SLC22A3: variants seen among roughly 807,000 people sequenced by gnomAD.
SLC22A3 encodes EMT organic cation transporter 3.
In SLC22A3, 51 loss-of-function variants were observed where a neutral mutation model predicts 59.1. The ratio of observed to expected loss-of-function variants is 0.86; its 90% CI spans 0.69 to 1.09. SLC22A3 has a LOEUF of 1.09. Among genes scored for constraint, SLC22A3 ranks in the 50% least tolerant of loss-of-function variants. The probability of loss-of-function intolerance (pLI) is 0.00; values close to 1 mark genes in which losing one functional copy is unlikely to be tolerated. For synonymous variants in SLC22A3, 325 were observed against 292.0 expected (o/e 1.11, Z -1.15); for missense variants, 711 against 726.3 (o/e 0.98, Z 0.24).
At chr6:160,447,376 A>G (rs1788784441) in intron 9 of SLC22A3, among the ~76,000 whole-genome samples, 1 of 152,150 alleles carries the variant, frequency 6.6e-6, no homozygotes, top group Non-Finnish European at 1.5e-5. Flanking sequence ...GAGCGGGCGC[A>G]GAGGGGACTC....
At chr6:160,393,052 T>C (rs1786325685) in intron 1 of SLC22A3, among the ~76,000 whole-genome samples, 1 of 151,984 alleles carries the variant, frequency 6.6e-6, no homozygotes. Context: ...GACTTCCCTT[T>C]CTCCTAGAAC....
intron 1 of SLC22A3, among the ~76,000 whole-genome samples, chr6:160,370,292 A>T (rs891827970): frequency 6.6e-6 from 1 of 152,208 alleles, no homozygotes; most frequent in Non-Finnish European, 1.5e-5. Context: ...TTGAAAGAGC[A>T]TGTGTGGGGG....
At position 160,436,866 on chromosome 6, in the gene SLC22A3, T is replaced by C. The variant is rs933426397; in HGVS notation, c.1062T>C (p.Leu354=). 2.9e-5 allele frequency: 46 copies of C among 1,613,772 alleles called. No homozygotes were observed. Among genetic ancestry groups the C allele is most frequent in the Non-Finnish European group, 3.9e-5 (46 of 1,179,682 alleles). Residue 354 remains leucine, a synonymous_variant, in exon 6 of 11, where the codon CTT becomes CTC. Transcript: ENST00000275300. ...TPQMRKCTLI[L]MFAWFTSAVV... is the part of the protein sequence containing the mutation. ...AAATGAGGAAATGCACACTTATTCT[T>C]ATGTTTGCTTGGTAAGTTTGACTTG...
intron 4 of SLC22A3, 113 bp downstream of exon 4, chr6:160,409,034 A>G: frequency 9.2e-6 from 5 of 543,954 alleles, no homozygotes; most frequent in Non-Finnish European, 1.1e-5. Context: ...TTTTTTTTTT[A>G]TTATACTCTA....
intron 5 of SLC22A3, among the ~76,000 whole-genome samples, chr6:160,414,435 A>G (rs1787386258): frequency 6.6e-6 from 1 of 152,196 alleles, no homozygotes. Context: ...ACATCCTCCC[A>G]AAGTGATTAA....
intron 5 of SLC22A3, among the ~76,000 whole-genome samples, chr6:160,418,814 A>G (rs1269397739): frequency 6.6e-6 from 1 of 152,226 alleles, no homozygotes; most frequent in African/African-American, 2.4e-5. Flanking sequence ...AGTCTCTGAT[A>G]CTACAGAACT....
chr6:160,414,723 G>A (rs1486102460), intron 5 of SLC22A3, among the ~76,000 whole-genome samples: 3 of 152,120 alleles, frequency 2.0e-5, no homozygotes, highest in African/African-American at 7.2e-5. Flanking sequence ...GATCTCATGA[G>A]AATTCACTCA....
chr6:160,439,934 A>G (rs1788485766), intron 7 of SLC22A3, among the ~76,000 whole-genome samples: 1 of 152,232 alleles, frequency 6.6e-6, no homozygotes, highest in Non-Finnish European at 1.5e-5. Context: ...TTTTCTGCTC[A>G]GCCATTCCTG....
At chr6:160,401,783 G>A (rs1302292002) in intron 2 of SLC22A3, among the ~76,000 whole-genome samples, 2 of 151,840 alleles carry the variant, frequency 1.3e-5, no homozygotes, top group African/African-American at 4.8e-5. Context: ...AAGTGATACA[G>A]TGTTATTTGA....
intron 1 of SLC22A3, among the ~76,000 whole-genome samples, chr6:160,357,891 T>C (rs1460247390): frequency 6.6e-6 from 1 of 152,214 alleles, no homozygotes; most frequent in African/African-American, 2.4e-5. Context: ...TGGCAGTTAG[T>C]GGGAAATTAT....
chr6:160,358,306 C>T (rs1185006420), intron 1 of SLC22A3, among the ~76,000 whole-genome samples: 1 of 152,120 alleles, frequency 6.6e-6, no homozygotes, highest in Admixed American at 6.5e-5. Flanking sequence ...ATAAGGCATT[C>T]AAAGTGCTTG....
intron 1 of SLC22A3, among the ~76,000 whole-genome samples, chr6:160,369,194 T>TA (rs1785309860): frequency 6.6e-6 from 1 of 152,222 alleles, no homozygotes; most frequent in Non-Finnish European, 1.5e-5. Context: ...GCTCCATCTG[T>TA]AAACAACCCA....
intron 2 of SLC22A3, among the ~76,000 whole-genome samples, chr6:160,398,599 G>A (rs1249535433): frequency 1.3e-5 from 2 of 151,858 alleles, no homozygotes; most frequent in African/African-American, 4.8e-5. Context: ...CTATTATTTT[G>A]TATTCATAAA....
chr6:160,354,177 T>G (rs1466659127), intron 1 of SLC22A3, among the ~76,000 whole-genome samples: 1 of 152,166 alleles, frequency 6.6e-6, no homozygotes, highest in Non-Finnish European at 1.5e-5. Flanking sequence ...GGCATTGACA[T>G]CTTAGTAGAG....
intron 9 of SLC22A3, among the ~76,000 whole-genome samples, chr6:160,446,604 C>T (rs1199595048): frequency 2.0e-5 from 3 of 152,172 alleles, no homozygotes; most frequent in Non-Finnish European, 4.4e-5. Flanking sequence ...AATCCAGTCA[C>T]CTCCCACCAG....
chr6:160,383,023 C>CA (rs1376637503), intron 1 of SLC22A3, among the ~76,000 whole-genome samples: 1 of 152,050 alleles, frequency 6.6e-6, no homozygotes, highest in Non-Finnish European at 1.5e-5. Flanking sequence ...AAAATACCCA[C>CA]AAAAAACACT....
At chr6:160,426,243 A>C in intron 5 of SLC22A3, 1 of 985,424 alleles carries the variant, frequency 1.0e-6, no homozygotes, top group Non-Finnish European at 1.2e-6. Flanking sequence ...AGGAAGGCAA[A>C]ATTTGGATAT....
chr6:160,436,815 C>A lies in SLC22A3; in HGVS notation c.1011C>A (p.Ser337=), dbSNP rs1239326655. ...CAGATGAGGAAGTTAGTAATCCATC[C>A]TTTTTAGATCTGGTGAGAACTCCCC... The part of the protein sequence containing the change: ...TVTDEEVSNP[S]FLDLVRTPQM... Residue 337 remains serine, a synonymous_variant, in exon 6 of 11, where the codon TCC becomes TCA. Coordinates refer to ENST00000275300, the MANE Select transcript of SLC22A3 (RefSeq NM_021977.4). 2.5e-6 allele frequency: 4 copies of A among 1,613,436 alleles called. No individual in the cohort carries two copies. Among genetic ancestry groups the A allele is most frequent in the Admixed American group, 1.7e-5 (1 of 59,990 alleles).
chr6:160,407,696 C>T (rs1430886220), intron 3 of SLC22A3, among the ~76,000 whole-genome samples: 1 of 152,000 alleles, frequency 6.6e-6, no homozygotes, highest in Non-Finnish European at 1.5e-5. Context: ...CCTTGGATAC[C>T]TTCTATAGCC....
Sources: allele counts gnomAD v4.1 joint callset (sites outside exome capture counted in the v4.1 genomes callset), GRCh38; gene constraint gnomAD v4.1.1; transcripts MANE v1.5; gene names NCBI Gene and HGNC (gene_info 2026-07-23, HGNC 2026-07-21).